CCSER1: variants seen among roughly 807,000 people sequenced by gnomAD.
The protein encoded by CCSER1 is serine-rich coiled-coil domain-containing protein 1.
CCSER1 carries 41 observed loss-of-function variants against 82.0 expected under a neutral mutation model. The ratio of observed to expected loss-of-function variants is 0.50; its 90% CI spans 0.39 to 0.65. The LOEUF (loss-of-function observed/expected upper bound fraction) is 0.65. Among genes scored for constraint, CCSER1 ranks in the 30% least tolerant of loss-of-function variants. The pLI is 0.00. For synonymous variants in CCSER1, 414 were observed against 383.9 expected (o/e 1.08, Z -0.92); for missense variants, 1,119 against 1,064.2 (o/e 1.05, Z -0.72).
chr4:91,186,290 A>G (rs1292496170), intron 10 of CCSER1, among the ~76,000 whole-genome samples: 1 of 152,044 alleles, frequency 6.6e-6, no homozygotes, highest in Non-Finnish European at 1.5e-5. Context: ...TTACTTCACT[A>G]TACTCTCCTT....
At chr4:91,206,690 G>C (rs1736376723) in intron 10 of CCSER1, among the ~76,000 whole-genome samples, 1 of 151,778 alleles carries the variant, frequency 6.6e-6, no homozygotes, top group Admixed American at 6.6e-5. Context: ...CACCTGCACA[G>C]GTATATCTAT....
chr4:90,823,142 G>C (rs116286403), intron 8 of CCSER1, among the ~76,000 whole-genome samples: 3,094 of 152,114 alleles, frequency 0.02, 114 homozygotes, highest in African/African-American at 0.071. Context: ...TCGGTAATGA[G>C]AGACTCTTTC....
At chr4:91,379,309 T>C (rs1480282765) in intron 10 of CCSER1, among the ~76,000 whole-genome samples, 1 of 152,212 alleles carries the variant, frequency 6.6e-6, no homozygotes. Flanking sequence ...TTGATTGGAA[T>C]AGTTTCAGAA....
At chr4:90,782,064 C>G (rs1215111752) in intron 7 of CCSER1, 1 of 615,872 alleles carries the variant, frequency 1.6e-6, no homozygotes, top group African/African-American at 2.0e-5. Context: ...CTGATAAACA[C>G]TTTCTTGAGT....
chr4:90,671,251 C>G (rs1732749977), intron 6 of CCSER1, among the ~76,000 whole-genome samples: 1 of 151,956 alleles, frequency 6.6e-6, no homozygotes, highest in Non-Finnish European at 1.5e-5. Flanking sequence ...ATTGACTCTT[C>G]CATTCATAAA....
rs901658404 is a variant in CCSER1, at chr4:91,595,048, T to TA, written c.2218-3513dup. Among the ~76,000 whole-genome samples, 435 of 143,282 alleles carry TA rather than the reference T, an allele frequency of 3.0e-3. 1 individual carries two copies. Among genetic ancestry groups the TA allele is most frequent in the African/African-American group, 0.01 (395 of 39,196 alleles). The allele number at this position is 143,282 out of a possible 152,430, so 94.0% of individuals were successfully genotyped here. On this transcript the variant is annotated intron_variant, in intron 10 of 10. Coordinates refer to ENST00000509176, the MANE Select transcript of CCSER1 (RefSeq NM_001145065.2). ...ATTTCTCTCCAATAATTTCTCTGCT[T>TA]AAAAAAAAAAAGCAAAACCAAAAAA...
At chr4:90,898,269 CTTTTTTTTTTTTTT>C (rs70963094) in intron 8 of CCSER1, among the ~76,000 whole-genome samples, 16 of 52,542 alleles carry the variant, frequency 3.0e-4, no homozygotes, top group Middle Eastern at 0.04. Context: ...TTTAATCCAT[CTTTTTTTTTTTTTT>C]TTTTTTTTTT....
intron 10 of CCSER1, among the ~76,000 whole-genome samples, chr4:91,210,930 G>A (rs1364172304): frequency 1.3e-5 from 2 of 151,948 alleles, no homozygotes; most frequent in Non-Finnish European, 2.9e-5. Flanking sequence ...GTATTCGGGT[G>A]TGATCGGGCA....
chr4:90,643,339 A>G lies in CCSER1; in HGVS notation c.1932+15107A>G, dbSNP rs1217596756. Among the ~76,000 whole-genome samples, 5 of 152,324 alleles carry G rather than the reference A, an allele frequency of 3.3e-5. No individual in the cohort carries two copies. The South Asian group carries it at 1.0e-3, about 32-fold the overall frequency. On this transcript the variant is annotated intron_variant, in intron 6 of 10. Transcript: ENST00000509176. ...AGGAAACAGGCAGCTGTCCAGATTC[A>G]GGATTTGTCCTGGGCCTGTCATCCT...
intron 10 of CCSER1, among the ~76,000 whole-genome samples, chr4:91,270,040 C>A (rs1023358810): frequency 1.3e-5 from 2 of 152,060 alleles, no homozygotes; most frequent in African/African-American, 4.8e-5. Flanking sequence ...ATACTTTTGC[C>A]GCAGAGATAT....
chr4:91,174,598 A>G (rs183130976), intron 10 of CCSER1, among the ~76,000 whole-genome samples: 1 of 152,188 alleles, frequency 6.6e-6, no homozygotes, highest in East Asian at 1.9e-4. Context: ...TTGGACAAAC[A>G]TTTTTACCAA....
chr4:91,089,029 C>T (rs1399174877), intron 10 of CCSER1, among the ~76,000 whole-genome samples: 1 of 152,138 alleles, frequency 6.6e-6, no homozygotes, highest in Non-Finnish European at 1.5e-5. Flanking sequence ...CAAAACCCCA[C>T]AGACACCGAG....
rs1477295031 is a variant in CCSER1 at position 90,230,766 on chromosome 4, G to A, written c.-41-77478G>A. ...AAAAAGAGAGAAGAATCAAATAGAC[G>A]CAATAAAAAATGATAAAGGGGATAT... On this transcript the variant is annotated intron_variant, in intron 1 of 10. Transcript: ENST00000509176. Among the ~76,000 whole-genome samples, 104 of 151,648 alleles carry A rather than the reference G, an allele frequency of 6.9e-4. 1 individual carries two copies. The highest frequency in any genetic ancestry group is 9.3e-4 in the Non-Finnish European group (63 of 67,860).
At chr4:91,518,231 C>A (rs986929535) in intron 10 of CCSER1, among the ~76,000 whole-genome samples, 1 of 152,140 alleles carries the variant, frequency 6.6e-6, no homozygotes, top group African/African-American at 2.4e-5. Context: ...TTTCACTTGT[C>A]TCTTGGGGCT....
intron 10 of CCSER1, among the ~76,000 whole-genome samples, chr4:91,296,856 C>T (rs758864750): frequency 1.1e-3 from 161 of 151,678 alleles, no homozygotes; most frequent in Middle Eastern, 3.4e-3. Flanking sequence ...TTATTTACTG[C>T]ACCCATCTTT....
chr4:90,359,861 A>G (rs896682771), intron 3 of CCSER1, among the ~76,000 whole-genome samples: 1 of 149,244 alleles, frequency 6.7e-6, no homozygotes, highest in African/African-American at 2.5e-5. Flanking sequence ...GTGTATATAT[A>G]TGTGTATATA....
At chr4:91,225,306 T>TAC (rs1738075282) in intron 10 of CCSER1, among the ~76,000 whole-genome samples, 1 of 128,556 alleles carries the variant, frequency 7.8e-6, no homozygotes, top group Non-Finnish European at 1.6e-5. Flanking sequence ...GTATATATAT[T>TAC]ATATATGTAA....
At chr4:90,150,397 T>C (rs1283975570) in intron 1 of CCSER1, among the ~76,000 whole-genome samples, 2 of 152,128 alleles carry the variant, frequency 1.3e-5, no homozygotes, top group Admixed American at 1.3e-4. Context: ...TTTCACACAT[T>C]TGGTGAATTC....
rs551068094 is a variant in CCSER1, at chr4:90,153,131, C to T, written c.-42+25300C>T. On this transcript the variant is annotated intron_variant, in intron 1 of 10. Coordinates refer to ENST00000509176, the MANE Select transcript of CCSER1 (RefSeq NM_001145065.2). ...ATTCCCACCTATGAGTGAGAATATGCGGTGTTTGGTATTTTGTTCTTGAGA... is the reference window on the plus strand; with the variant it reads ...ATTCCCACCTATGAGTGAGAATATGTGGTGTTTGGTATTTTGTTCTTGAGA... 1.8e-4 allele frequency among the ~76,000 whole-genome samples: 26 copies of T among 146,428 alleles called. No individual in the cohort carries two copies. The South Asian group carries it at 3.1e-3, about 17-fold the overall frequency.
Sources: gnomAD v4.1 joint callset for allele counts (sites outside exome capture counted in the v4.1 genomes callset) on GRCh38, gnomAD v4.1.1 for gene constraint, MANE v1.5 for transcripts, NCBI Gene and HGNC (gene_info 2026-07-23, HGNC 2026-07-21) for gene names.